The following CHRNA7 variants were observed in gnomAD, a reference collection of about 807,000 sequenced individuals.
CHRNA7 encodes the protein neuronal acetylcholine receptor subunit alpha-7.
Under a neutral mutation model 48.0 loss-of-function variants are expected in CHRNA7, and 17 were observed. The ratio of observed to expected loss-of-function variants is 0.35; its 90% CI spans 0.24 to 0.53. The LOEUF is 0.53. Ranked by LOEUF, CHRNA7 falls within the 20% of genes least tolerant of loss-of-function variation. CHRNA7 has a pLI of 0.92. For missense variants in CHRNA7, 155 were observed against 577.7 expected, an observed-to-expected ratio of 0.27 and a Z score of 7.50; for synonymous variants, 75 against 242.3, an observed-to-expected ratio of 0.31 and a Z score of 6.41.
chr15:32,079,573 GAATACAGC>G lies in CHRNA7; in HGVS notation c.196-21729_196-21722del, dbSNP rs556188958. Among the ~76,000 whole-genome samples the G allele has an allele frequency of 1.4e-4, 22 of 152,102 alleles. No individual in the cohort carries two copies. The East Asian group carries it at 4.3e-3, about 29-fold the overall frequency. On this transcript the variant is annotated intron_variant, in intron 2 of 9. Coordinates refer to ENST00000306901, the MANE Select transcript of CHRNA7 (RefSeq NM_000746.6). The stretch of plus-strand genomic sequence containing the variant: ...GCTACAAAGCAAATAAAATACCTAG[GAATACAGC>G]TAACAAGGGAAGTGAAGGACCTCTT...
At chr15:32,072,432 G>A (rs1468580530) in intron 2 of CHRNA7, among the ~76,000 whole-genome samples, 2 of 152,146 alleles carry the variant, frequency 1.3e-5, no homozygotes, top group Non-Finnish European at 2.9e-5. Context: ...TTCAGGAGAG[G>A]ACAATAAGCA....
At chr15:32,104,510 G>A (rs2050628478) in intron 3 of CHRNA7, among the ~76,000 whole-genome samples, 1 of 152,122 alleles carries the variant, frequency 6.6e-6, no homozygotes, top group Admixed American at 6.5e-5. Flanking sequence ...AACCCGCTTT[G>A]TGTTCACTCG....
intron 2 of CHRNA7, among the ~76,000 whole-genome samples, chr15:32,037,542 A>G (rs896413719): frequency 3.3e-5 from 5 of 152,124 alleles, no homozygotes; most frequent in Admixed American, 1.3e-4. Context: ...TTTTCTATTC[A>G]TGAACATAGA....
At chr15:32,067,123 G>A (rs1460571823) in intron 2 of CHRNA7, among the ~76,000 whole-genome samples, 2 of 152,192 alleles carry the variant, frequency 1.3e-5, no homozygotes, top group Non-Finnish European at 2.9e-5. Context: ...TGAAGCCAAA[G>A]GGAGTAAAAG....
intron 3 of CHRNA7, among the ~76,000 whole-genome samples, chr15:32,109,362 C>A (rs372015720): frequency 1.3e-5 from 2 of 152,178 alleles, no homozygotes; most frequent in Admixed American, 6.5e-5. Context: ...TTTACTGCAA[C>A]CTGTTTTATC....
chr15:32,067,642 CT>C (rs151070646), intron 2 of CHRNA7, among the ~76,000 whole-genome samples: 1 of 152,250 alleles, frequency 6.6e-6, no homozygotes, highest in East Asian at 1.9e-4. Context: ...GTTCATAACT[CT>C]TTTTTTCTCC....
At chr15:32,058,283 C>T (rs368340663) in intron 2 of CHRNA7, among the ~76,000 whole-genome samples, 1 of 152,172 alleles carries the variant, frequency 6.6e-6, no homozygotes, top group East Asian at 1.9e-4. Flanking sequence ...CAAGACAATC[C>T]TTTGACAGTA....
intron 4 of CHRNA7, among the ~76,000 whole-genome samples, chr15:32,115,712 G>C (rs1362149096): frequency 6.6e-6 from 1 of 152,070 alleles, no homozygotes; most frequent in Non-Finnish European, 1.5e-5. Context: ...TCCTGTCCAC[G>C]ATGGCACTTA....
intron 4 of CHRNA7, among the ~76,000 whole-genome samples, chr15:32,118,352 AAGAC>A (rs2050908929): frequency 6.6e-6 from 1 of 152,248 alleles, no homozygotes; most frequent in Admixed American, 6.5e-5. Context: ...AAAACAAACT[AAGAC>A]AGTAGTAGTT....
intron 2 of CHRNA7, among the ~76,000 whole-genome samples, chr15:32,033,715 T>G (rs1350105862): frequency 6.6e-6 from 1 of 152,216 alleles, no homozygotes; most frequent in Non-Finnish European, 1.5e-5. Flanking sequence ...AGAGACACAA[T>G]GGTTCTCATA....
intron 4 of CHRNA7, among the ~76,000 whole-genome samples, chr15:32,140,486 G>A (rs1257589347): frequency 1.3e-5 from 2 of 152,208 alleles, no homozygotes; most frequent in Non-Finnish European, 2.9e-5. Flanking sequence ...AGATCCTTGA[G>A]AAATCTTCCA....
chr15:32,143,675 C>T lies in CHRNA7; in HGVS notation c.351-10232C>T, dbSNP rs145797219. On this transcript the variant is annotated intron_variant, in intron 4 of 9. Transcript: ENST00000306901. ...TAATCCCTTTACCATTATATAATGG[C>T]CTTCTTTGTCTCTTTTTATCTTTGT... is the stretch of plus-strand genomic sequence containing the variant. 4.1e-3 allele frequency among the ~76,000 whole-genome samples: 622 copies of T among 152,216 alleles called. 8 individuals carry two copies. The highest frequency in any genetic ancestry group is 0.014 in the African/African-American group (597 of 41,540).
intron 2 of CHRNA7, among the ~76,000 whole-genome samples, chr15:32,034,762 G>C (rs1356065629): frequency 6.6e-6 from 1 of 152,200 alleles, no homozygotes; most frequent in East Asian, 1.9e-4. Context: ...ATACATTTTA[G>C]AGGTACAACA....
intron 2 of CHRNA7, among the ~76,000 whole-genome samples, chr15:32,083,511 T>A (rs2050248399): frequency 6.6e-6 from 1 of 152,222 alleles, no homozygotes; most frequent in Admixed American, 6.5e-5. Flanking sequence ...AACATTGTTG[T>A]TCTAGGTTAT....
At position 32,031,046 on chromosome 15, in the gene CHRNA7, C is replaced by T. The variant is rs1367571726; in HGVS notation, c.195+9C>T. The T allele has an allele frequency of 6.8e-6, 11 of 1,614,048 alleles. No individual in the cohort carries two copies. The highest frequency in any genetic ancestry group is 1.7e-4 in the Middle Eastern group (1 of 6,060). On this transcript the variant is annotated intron_variant, in intron 2 of 9. Transcript: ENST00000306901. ...TGCAGATCATGGACGTGGTGAGTCC[C>T]GCCTGGCTACAGGGCTGCCCTCTCC... is the stretch of plus-strand genomic sequence containing the variant.
In CHRNA7 at chr15:32,072,887, G is replaced by GGAA. The variant is rs370137147; in HGVS notation, c.196-28414_196-28412dup. Reference sequence around the variant, plus strand: ...TATGGAAAACACTGGGTGCCCAGGTGGAAGCCTATTGCAGGGGTGGAGCTA... The same window carrying GGAA: ...TATGGAAAACACTGGGTGCCCAGGTGGAAGAAGCCTATTGCAGGGGTGGAGCTA... On this transcript the variant is annotated intron_variant, in intron 2 of 9. Coordinates refer to ENST00000306901, the MANE Select transcript of CHRNA7 (RefSeq NM_000746.6). 1.9e-3 allele frequency among the ~76,000 whole-genome samples: 283 copies of GGAA among 152,336 alleles called. 2 individuals are homozygous for GGAA. The highest frequency in any genetic ancestry group is 6.2e-3 in the African/African-American group (257 of 41,572).
intron 2 of CHRNA7, among the ~76,000 whole-genome samples, chr15:32,064,162 A>C (rs1218074376): frequency 6.6e-6 from 1 of 152,122 alleles, no homozygotes; most frequent in Non-Finnish European, 1.5e-5. Context: ...GATTTTTGTT[A>C]GTATTTTTAA....
chr15:32,072,953 T>G (rs757167917), intron 2 of CHRNA7, among the ~76,000 whole-genome samples: 12 of 152,116 alleles, frequency 7.9e-5, no homozygotes, highest in Non-Finnish European at 1.5e-4. Context: ...AGGGGAAAGA[T>G]GGGGTTGGAG....
intron 2 of CHRNA7, among the ~76,000 whole-genome samples, chr15:32,048,454 C>T (rs953213609): frequency 5.3e-5 from 8 of 152,144 alleles, no homozygotes; most frequent in African/African-American, 9.7e-5. Context: ...AGTTTATTTG[C>T]GTGGAGATGT....
Sources: gnomAD v4.1 joint callset for allele counts (sites outside exome capture counted in the v4.1 genomes callset) on GRCh38, gnomAD v4.1.1 for gene constraint, MANE v1.5 for transcripts, NCBI Gene and HGNC (gene_info 2026-07-23, HGNC 2026-07-21) for gene names.